Variants in CD6 observed in about 807,000 individuals in gnomAD.
The protein encoded by CD6 is T-cell differentiation antigen CD6.
CD6 carries 53 observed loss-of-function variants against 75.3 expected under a neutral mutation model. That is an observed-to-expected ratio of 0.70 (90% confidence interval 0.56 to 0.88). The LOEUF (loss-of-function observed/expected upper bound fraction) is 0.88. Among genes scored for constraint, CD6 ranks in the 40% least tolerant of loss-of-function variants. The pLI is 0.00. For synonymous variants in CD6, 359 were observed against 381.5 expected, an observed-to-expected ratio of 0.94 and a Z score of 0.69; for missense variants, 770 against 897.1, an observed-to-expected ratio of 0.86 and a Z score of 1.81.
At chr11:61,011,001 AC>A (rs2135181461) in intron 5 of CD6, 68 bp from the exon 6 acceptor site, 1 of 1,423,362 alleles carries the variant, frequency 7.0e-7, no homozygotes, top group African/African-American at 1.4e-5. Flanking sequence ...TCAGTTTCTA[AC>A]CCAAGGCCTG....
chr11:61,004,158 GC>G (rs1858731976), intron 1 of CD6, among the ~76,000 whole-genome samples: 2 of 152,028 alleles, frequency 1.3e-5, no homozygotes, highest in South Asian at 4.2e-4. Context: ...CAGAGCTAAA[GC>G]CCCCCTGCCC....
At chr11:60,982,024 G>A (rs1288806163) in intron 1 of CD6, among the ~76,000 whole-genome samples, 2 of 127,942 alleles carry the variant, frequency 1.6e-5, no homozygotes, top group Non-Finnish European at 3.5e-5. Flanking sequence ...AGGACCCTGA[G>A]CTGGGCTGAG....
chr11:60,973,197 G>C (rs1182020411), intron 1 of CD6, among the ~76,000 whole-genome samples: 1 of 152,332 alleles, frequency 6.6e-6, no homozygotes, highest in South Asian at 2.1e-4. Context: ...TGAGGGCCAG[G>C]GGCTGAGCTA....
intron 1 of CD6, chr11:60,982,671 C>T (rs1857620689): frequency 4.4e-6 from 2 of 456,062 alleles, no homozygotes; most frequent in Non-Finnish European, 8.8e-6. Flanking sequence ...AAATATGTTG[C>T]TTTGCCGGGA....
In CD6 at chr11:61,017,791, A is replaced by C; in HGVS notation, c.1615A>C (p.Thr539Pro). Residue 539 changes from threonine to proline, a missense_variant, in exon 11 of 13, where the codon ACT becomes CCT. Transcript: ENST00000313421. ...LEELHASHIP[T>P]ANPGHCITDP... ...AGAGTTGCATGCCTCCCACATCCCAACTGCCAACCCTGGACACTGCATTAC... is the reference window on the plus strand; with the variant it reads ...AGAGTTGCATGCCTCCCACATCCCACCTGCCAACCCTGGACACTGCATTAC... 2 of 1,613,822 alleles carry C rather than the reference A, an allele frequency of 1.2e-6. No individual in the cohort carries two copies. Among genetic ancestry groups the C allele is most frequent in the Non-Finnish European group, 1.7e-6 (2 of 1,179,962 alleles).
At chr11:60,981,355 G>A (rs914123619) in intron 1 of CD6, among the ~76,000 whole-genome samples, 1 of 152,142 alleles carries the variant, frequency 6.6e-6, no homozygotes. Flanking sequence ...CTTTTTCCCA[G>A]CCCTGGAATT....
At chr11:60,978,907 G>A (rs1209801099) in intron 1 of CD6, among the ~76,000 whole-genome samples, 4 of 152,210 alleles carry the variant, frequency 2.6e-5, no homozygotes, top group Non-Finnish European at 5.9e-5. Context: ...GCAGTGCTCA[G>A]AAATGTTAGC....
chr11:60,998,142 A>C (rs1021821163), intron 1 of CD6, among the ~76,000 whole-genome samples: 2 of 152,218 alleles, frequency 1.3e-5, no homozygotes, highest in Non-Finnish European at 2.9e-5. Context: ...GTCCAGGTTC[A>C]AATTTTGCTT....
At position 61,007,582 on chromosome 11, in the gene CD6, G is replaced by T. The variant is rs1475561199; in HGVS notation, c.141G>T (p.Leu47=). The stretch of plus-strand genomic sequence containing the variant: ...CAGGGGAGCGGCTTCCGGTCCGTCT[G>T]ACAAACGGGAGCAGCAGCTGCAGCG... ...WEPGERLPVR[L]TNGSSSCSGT... Residue 47 remains leucine, a synonymous_variant, in exon 3 of 13, where the codon CTG becomes CTT. Transcript: ENST00000313421. This position sits in a 1 kb window ranked among gnomAD's most constrained non-coding sequence, Gnocchi z 4.2. 2 of 1,503,154 alleles carry T rather than the reference G, an allele frequency of 1.3e-6. No homozygotes were observed. Among genetic ancestry groups the T allele is most frequent in the Admixed American group, 2.2e-5 (1 of 45,480 alleles). The allele number at this position is 1,503,154 out of a possible 1,614,324, so 93.1% of individuals were successfully genotyped here.
In CD6 at chr11:61,007,822, C is replaced by A. The variant is rs1858942466; in HGVS notation, c.381C>A (p.Leu127=). 2 of 1,463,716 alleles carry A rather than the reference C, an allele frequency of 1.4e-6. No homozygotes were observed. The highest frequency in any genetic ancestry group is 5.9e-5 in the East Asian group (2 of 33,902). The allele number at this position is 1,463,716 out of a possible 1,614,324, so 90.7% of individuals were successfully genotyped here. ...CCACTCTGGCCGGGGCGCCCGCCCT[C>A]CTGTGCAGCGGCGCCGAGTGGCGGC... ...ANATLAGAPA[L]LCSGAEWRLC... is the part of the protein sequence containing the mutation. Residue 127 remains leucine, a synonymous_variant, in exon 3 of 13, where the codon CTC becomes CTA. Coordinates refer to ENST00000313421, the MANE Select transcript of CD6 (RefSeq NM_006725.5). This position sits in a 1 kb window ranked among gnomAD's most constrained non-coding sequence, Gnocchi z 4.2.
chr11:61,014,348 C>T (rs1859301661), intron 8 of CD6, among the ~76,000 whole-genome samples: 3 of 152,310 alleles, frequency 2.0e-5, no homozygotes, highest in African/African-American at 4.8e-5. Context: ...TATCATCATC[C>T]CTATCAATGT....
At position 60,986,051 on chromosome 11, in the gene CD6, C is replaced by T. The variant is rs76038347; in HGVS notation, c.49+14137C>T. ...CCATGGAGAAACTGAGGCCTTGGAACGGGGCAAGGACTTACCCAAGGTCCT... is the reference window on the plus strand; with the variant it reads ...CCATGGAGAAACTGAGGCCTTGGAATGGGGCAAGGACTTACCCAAGGTCCT... On this transcript the variant is annotated intron_variant, in intron 1 of 12. Coordinates refer to ENST00000313421, the MANE Select transcript of CD6 (RefSeq NM_006725.5). Among the ~76,000 whole-genome samples the T allele has an allele frequency of 9.3e-4, 142 of 152,300 alleles. 1 individual carries two copies. The highest frequency in any genetic ancestry group is 1.7e-3 in the Admixed American group (26 of 15,292).
chr11:60,980,687 C>T (rs1349713223), intron 1 of CD6, among the ~76,000 whole-genome samples: 1 of 151,796 alleles, frequency 6.6e-6, no homozygotes, highest in Non-Finnish European at 1.5e-5. Context: ...AAAAATTAGC[C>T]GGGTGTGGTT....
Position 61,019,281 on chromosome 11 carries a change from C to T in CD6, c.1970C>T (p.Thr657Ile). ...PGSPSPQPDSTDNDDYDDISA... is the reference protein window; with the variant it reads ...PGSPSPQPDSIDNDDYDDISA... The stretch of plus-strand genomic sequence containing the variant: ...TCCCCCAGCCCTCAGCCTGACTCCA[C>T]CGACAACGATGACTACGATGACATC... The change falls in exon 13 of 13, where the codon ACC (threonine) becomes ATC (isoleucine). Residue 657 changes from threonine to isoleucine, a missense_variant. Coordinates refer to ENST00000313421, the MANE Select transcript of CD6 (RefSeq NM_006725.5). 2.5e-6 allele frequency: 4 copies of T among 1,611,224 alleles called. No individual in the cohort carries two copies. The highest frequency in any genetic ancestry group is 3.4e-6 in the Non-Finnish European group (4 of 1,179,874).
chr11:60,992,342 T>TTA (rs1554992619), intron 1 of CD6, among the ~76,000 whole-genome samples: 6 of 151,452 alleles, frequency 4.0e-5, no homozygotes, highest in Non-Finnish European at 8.8e-5. Flanking sequence ...CTTTTTTTTT[T>TTA]TATATATAAC....
At position 61,007,876 on chromosome 11, in the gene CD6, C is replaced by T; in HGVS notation, c.435C>T (p.Arg145=). 1.4e-6 allele frequency: 2 copies of T among 1,382,654 alleles called. No homozygotes were observed. The highest frequency in any genetic ancestry group is 1.9e-6 in the Non-Finnish European group (2 of 1,074,282). The allele number at this position is 1,382,654 out of a possible 1,614,324, so 85.6% of individuals were successfully genotyped here. A position where few individuals can be genotyped will look rare whatever the true frequency, so the allele number is the denominator to read the frequency against. Reference sequence around the variant, plus strand: ...GCGAGGTGGTGGAGCACGCGTGCCGCAGCGACGGGAGGCGGGCCCGTGTCA... The same window carrying T: ...GCGAGGTGGTGGAGCACGCGTGCCGTAGCGACGGGAGGCGGGCCCGTGTCA... The part of the protein sequence containing the change: ...RLCEVVEHAC[R]SDGRRARVTC... The change falls in exon 3 of 13, where the codon CGC becomes CGT. Residue 145 remains arginine (R), a synonymous_variant. Coordinates refer to ENST00000313421, the MANE Select transcript of CD6 (RefSeq NM_006725.5). The surrounding 1 kb of genome is among the most constrained non-coding windows in gnomAD (Gnocchi z 4.2).
Position 61,013,919 on chromosome 11 carries a change from C to T in CD6, c.1292C>T (p.Ala431Val). The T allele has an allele frequency of 6.2e-7, 1 of 1,604,474 alleles. No homozygotes were observed. Among genetic ancestry groups the T allele is most frequent in the Non-Finnish European group, 8.5e-7 (1 of 1,175,092 alleles). Residue 431 changes from alanine (A) to valine (V), a missense_variant and splice_region_variant, in exon 8 of 13, where the codon GCC becomes GTC. Physicochemically the swap from Ala to Val is moderately conservative, Grantham distance 64. Coordinates refer to ENST00000313421, the MANE Select transcript of CD6 (RefSeq NM_006725.5). ...AGAATTTCTGCCTCCCCTCCCTCAG[C>T]CCTCCCCGTAATGGTGAACCACCAG... ...FILLRIKGKYALPVMVNHQHL... is the reference protein window; with the variant it reads ...FILLRIKGKYVLPVMVNHQHL...
At position 61,011,158 on chromosome 11, in the gene CD6, C is replaced by T. The variant is rs117785308; in HGVS notation, c.1150+23C>T. 9.1e-3 allele frequency: 14,338 copies of T among 1,577,278 alleles called. 105 individuals carry two copies. The highest frequency in any genetic ancestry group is 0.011 in the Non-Finnish European group (12,303 of 1,155,012). On this transcript the variant is annotated intron_variant, in intron 6 of 12. Coordinates refer to ENST00000313421, the MANE Select transcript of CD6 (RefSeq NM_006725.5). ...TAGGTAAGTGTTGCTGGGTACTACG[C>T]GGTTTCTCAGAAGCTTGGACGTGTG...
At chr11:60,980,490 A>G (rs1857520577) in intron 1 of CD6, among the ~76,000 whole-genome samples, 4 of 150,834 alleles carry the variant, frequency 2.7e-5, no homozygotes, top group Admixed American at 1.3e-4. Context: ...CAACGGAGCA[A>G]GACCTTGTCT....
Sources: gnomAD v4.1 joint callset for allele counts (sites outside exome capture counted in the v4.1 genomes callset) on GRCh38, gnomAD v4.1.1 for gene constraint, Gnocchi (gnomAD v3.1) non-coding constraint, MANE v1.5 for transcripts, NCBI Gene and HGNC (gene_info 2026-07-23, HGNC 2026-07-21) for gene names.